RAMP3: variants seen among roughly 807,000 people sequenced by gnomAD.
RAMP3 encodes the protein receptor activity modifying protein 3.
A neutral mutation model predicts 13.5 loss-of-function variants in RAMP3; 14 were observed. The ratio of observed to expected loss-of-function variants is 1.04; its 90% CI spans 0.69 to 1.63. The LOEUF is 1.63. Among genes scored for constraint, RAMP3 ranks in the 40% most tolerant of loss-of-function variants. The probability of loss-of-function intolerance (pLI) is 0.00; values close to 1 mark genes in which losing one functional copy is unlikely to be tolerated. For synonymous variants in RAMP3, 106 were observed against 88.3 expected (o/e 1.20, Z -1.12); for missense variants, 200 against 204.8 (o/e 0.98, Z 0.14).
intron 2 of RAMP3, among the ~76,000 whole-genome samples, chr7:45,182,263 C>A (rs777534635): frequency 5.3e-5 from 8 of 152,174 alleles, no homozygotes; most frequent in Non-Finnish European, 8.8e-5. Context: ...GCTAGCCCTG[C>A]ACAGAGGGGG....
At chr7:45,167,158 T>C (rs11760883) in intron 1 of RAMP3, among the ~76,000 whole-genome samples, 39,611 of 151,630 alleles carry the variant, frequency 0.26, 6,233 homozygotes, top group African/African-American at 0.44. Flanking sequence ...GCGGTTTCAG[T>C]GTGTTAGCTA....
At chr7:45,163,708 A>T in intron 1 of RAMP3, 1 of 985,324 alleles carries the variant, frequency 1.0e-6, no homozygotes, top group Non-Finnish European at 1.2e-6. Context: ...ATGGGGAGAC[A>T]AAGGACCAGA....
chr7:45,179,934 C>G (rs1383322667), intron 2 of RAMP3, among the ~76,000 whole-genome samples: 1 of 152,224 alleles, frequency 6.6e-6, no homozygotes, highest in Admixed American at 6.5e-5. Flanking sequence ...TTCAGGCTCC[C>G]CCACCGCAGC....
Position 45,184,130 on chromosome 7 carries a change from C to T in RAMP3, c.*718C>T, listed in dbSNP as rs1249173785. On this transcript the variant is annotated 3_prime_UTR_variant, in exon 3 of 3. Transcript: ENST00000242249. ...CTTGCTGTGCGGATGGGGCCTGGGC[C>T]TCCTTCCTACAGGGGCTCCTCTGTG... 2.0e-5 allele frequency: 8 copies of T among 398,912 alleles called. No homozygotes were observed. The highest frequency in any genetic ancestry group is 3.5e-5 in the Non-Finnish European group (8 of 226,396). 24.7% of individuals were successfully genotyped at this position (398,912 alleles called of 1,614,324 possible).
intron 1 of RAMP3, among the ~76,000 whole-genome samples, chr7:45,162,898 C>T (rs1785891257): frequency 6.6e-6 from 1 of 152,198 alleles, no homozygotes; most frequent in Non-Finnish European, 1.5e-5. Flanking sequence ...CCCCCATGCC[C>T]TTACTCCTTG....
intron 1 of RAMP3, chr7:45,163,666 A>G (rs1405575618): frequency 2.0e-6 from 2 of 985,348 alleles, no homozygotes; most frequent in Admixed American, 6.1e-5. Context: ...ACCAATGGAA[A>G]CACACAGAAT....
chr7:45,169,534 A>G (rs1247883217), intron 1 of RAMP3, among the ~76,000 whole-genome samples: 1 of 152,202 alleles, frequency 6.6e-6, no homozygotes, highest in African/African-American at 2.4e-5. Context: ...GGTTGTAACA[A>G]AGTACCATAA....
chr7:45,163,936 A>C, intron 1 of RAMP3: 1 of 968,858 alleles, frequency 1.0e-6, no homozygotes, highest in Non-Finnish European at 1.2e-6. Context: ...CATGATGTGA[A>C]GGTTCAGAGG....
intron 1 of RAMP3, among the ~76,000 whole-genome samples, chr7:45,176,628 C>G (rs1332998986): frequency 6.6e-6 from 1 of 152,080 alleles, no homozygotes; most frequent in Non-Finnish European, 1.5e-5. Flanking sequence ...GGAGGATGTT[C>G]CCCATGGGGA....
chr7:45,182,910 G>C (rs1288071428), intron 2 of RAMP3, among the ~76,000 whole-genome samples: 1 of 152,180 alleles, frequency 6.6e-6, no homozygotes, highest in Non-Finnish European at 1.5e-5. Context: ...TGGATCCTGG[G>C]AGCTCATGGC....
chr7:45,177,545 C>A, intron 2 of RAMP3, 104 bp downstream of exon 2: 2 of 1,523,014 alleles, frequency 1.3e-6, no homozygotes, highest in Non-Finnish European at 1.8e-6. Context: ...AAGGCCTCAC[C>A]CATGCCTCAC....
intron 1 of RAMP3, among the ~76,000 whole-genome samples, chr7:45,175,081 C>T (rs967049320): frequency 4.6e-5 from 7 of 152,152 alleles, no homozygotes; most frequent in Admixed American, 4.6e-4. Context: ...GGTGAGCACC[C>T]CAGAGGCTCA....
At chr7:45,170,045 A>G (rs894414586) in intron 1 of RAMP3, among the ~76,000 whole-genome samples, 2 of 152,058 alleles carry the variant, frequency 1.3e-5, no homozygotes, top group Non-Finnish European at 2.9e-5. Context: ...AGGTAGTGAT[A>G]TAGTGATATC....
intron 1 of RAMP3, among the ~76,000 whole-genome samples, chr7:45,158,377 T>G (rs941616568): frequency 2.0e-5 from 3 of 152,158 alleles, no homozygotes; most frequent in African/African-American, 7.2e-5. Flanking sequence ...CCTCAGTGTG[T>G]GGACGCCTGT....
intron 1 of RAMP3, among the ~76,000 whole-genome samples, chr7:45,165,893 A>G (rs1304629612): frequency 6.6e-6 from 1 of 152,238 alleles, no homozygotes; most frequent in Non-Finnish European, 1.5e-5. Context: ...TACAAATAAT[A>G]TTCTATCACA....
chr7:45,174,333 C>T (rs1274114759), intron 1 of RAMP3, among the ~76,000 whole-genome samples: 1 of 152,064 alleles, frequency 6.6e-6, no homozygotes, highest in Non-Finnish European at 1.5e-5. Flanking sequence ...GCTGGGTCCT[C>T]AGGGACCTCC....
intron 1 of RAMP3, among the ~76,000 whole-genome samples, chr7:45,174,635 G>A (rs917504018): frequency 3.9e-5 from 6 of 152,092 alleles, no homozygotes; most frequent in African/African-American, 1.4e-4. Context: ...CACTGACATC[G>A]GAGCTCAGGT....
intron 2 of RAMP3, among the ~76,000 whole-genome samples, chr7:45,179,566 G>A (rs889679915): frequency 2.0e-5 from 3 of 152,236 alleles, no homozygotes; most frequent in African/African-American, 7.2e-5. Flanking sequence ...AATGGAAGAT[G>A]CAATAGAAGT....
chr7:45,183,798 T>G lies in RAMP3; in HGVS notation c.*386T>G. 3 of 513,384 alleles carry G rather than the reference T, an allele frequency of 5.8e-6. No homozygotes were observed. The highest frequency in any genetic ancestry group is 1.0e-5 in the Non-Finnish European group (3 of 291,684). The allele number at this position is 513,384 out of a possible 1,614,324, so 31.8% of individuals were successfully genotyped here. On this transcript the variant is annotated 3_prime_UTR_variant, in exon 3 of 3. Coordinates refer to ENST00000242249, the MANE Select transcript of RAMP3 (RefSeq NM_005856.3). ...GCCTTAGCCGCAGTCTAGGCCCTGC[T>G]TGGACTAGGACTCCTTGCTTGACCC...
Sources: gnomAD v4.1 joint callset for allele counts (sites outside exome capture counted in the v4.1 genomes callset) on GRCh38, gnomAD v4.1.1 for gene constraint, MANE v1.5 for transcripts, NCBI Gene and HGNC (gene_info 2026-07-23, HGNC 2026-07-21) for gene names.